BRD7: variants seen among roughly 807,000 people sequenced by gnomAD.
BRD7 encodes bromodomain containing 7.
A neutral mutation model predicts 82.1 loss-of-function variants in BRD7; 15 were observed. That is an observed-to-expected ratio of 0.18 (90% CI 0.12 to 0.28). BRD7 has a LOEUF of 0.28. BRD7 is among the 10% of genes least tolerant of loss of function. BRD7 has a pLI of 1.00. For missense variants in BRD7, 638 were observed against 779.9 expected (o/e 0.82, Z 2.17); for synonymous variants, 232 against 266.9 (o/e 0.87, Z 1.27).
In BRD7 at chr16:50,334,740, G is replaced by A. The variant is rs1051350145; in HGVS notation, c.858C>T (p.Ala286=). The change falls in exon 7 of 17, where the codon GCC becomes GCT. Residue 286 remains alanine (A), a synonymous_variant. Transcript: ENST00000394688. The stretch of plus-strand genomic sequence containing the variant: ...TATTTTCTTTGCTGGGACTCTTGAA[G>A]GCGTGTGCTTCGGCATCTCCAGAGT... ...REDSGDAEAH[A]FKSPSKENKK... is the part of the protein sequence containing the mutation. The A allele has an allele frequency of 8.7e-6, 14 of 1,613,758 alleles. No individual in the cohort carries two copies. In the African/African-American group the frequency reaches 1.2e-4, roughly 14 times the overall value.
chr16:50,319,252 T>A lies in BRD7; in HGVS notation c.1915A>T (p.Lys639Ter). 1 of 1,613,738 alleles carries A rather than the reference T, an allele frequency of 6.2e-7. No individual in the cohort carries two copies. ...CCACACTCAGCAACATCCGTCTTTT[T>A]AGGTTCTTCAGTGTCTGAAAGAAAA... is the stretch of plus-strand genomic sequence containing the variant. ...VDLTEDTEEPKKTDVAECGPG... is the reference protein window; with the variant it reads ...VDLTEDTEEP The change falls in exon 17 of 17, where the codon AAA (lysine) becomes TAA (stop). Residue 639 changes from lysine to a stop codon, truncating the protein, a stop_gained. Coordinates refer to ENST00000394688, the MANE Select transcript of BRD7 (RefSeq NM_013263.5). LOFTEE classifies it high-confidence loss of function.
At chr16:50,365,037 A>G (rs576953282) in intron 2 of BRD7, among the ~76,000 whole-genome samples, 1 of 152,350 alleles carries the variant, frequency 6.6e-6, no homozygotes, top group East Asian at 1.9e-4. Flanking sequence ...TTTGCAGAAC[A>G]GAGAAAGCAA....
chr16:50,323,764 C>G, intron 11 of BRD7, 66 bp from the exon 12 acceptor site: 1 of 1,163,134 alleles, frequency 8.6e-7, no homozygotes, highest in Non-Finnish European at 1.3e-6. Context: ...CCCATCAGAG[C>G]CAACTGTTTC....
chr16:50,347,167 T>C (rs1200014773), intron 5 of BRD7, among the ~76,000 whole-genome samples: 5 of 152,180 alleles, frequency 3.3e-5, no homozygotes, highest in Non-Finnish European at 5.9e-5. Context: ...AACCACATGA[T>C]TATCTCAATA....
At chr16:50,347,455 A>C (rs949278615) in intron 5 of BRD7, among the ~76,000 whole-genome samples, 1 of 152,180 alleles carries the variant, frequency 6.6e-6, no homozygotes, top group Non-Finnish European at 1.5e-5. Context: ...AATTAGGAAA[A>C]GAGGAAGTCA....
At chr16:50,368,563 C>T in intron 1 of BRD7, 163 bp downstream of exon 1, 1 of 779,628 alleles carries the variant, frequency 1.3e-6, no homozygotes, top group South Asian at 2.7e-5. Flanking sequence ...ATGCCGCGGC[C>T]GCACGGGGGG....
At chr16:50,368,570 G>A (rs973923572) in intron 1 of BRD7, 156 bp downstream of exon 1, 1 of 797,712 alleles carries the variant, frequency 1.3e-6, no homozygotes, top group East Asian at 3.5e-5. Context: ...GGCCGCACGG[G>A]GGGCAGCGCG....
Position 50,334,737 on chromosome 16 carries a change from G to A in BRD7, c.861C>T (p.Phe287=). The A allele has an allele frequency of 1.2e-6, 2 of 1,613,726 alleles. No individual in the cohort carries two copies. The highest frequency in any genetic ancestry group is 2.2e-5 in the South Asian group (2 of 91,064). ...EDSGDAEAHA[F]KSPSKENKKK... Reference sequence around the variant, plus strand: ...TTTTATTTTCTTTGCTGGGACTCTTGAAGGCGTGTGCTTCGGCATCTCCAG... The same window carrying A: ...TTTTATTTTCTTTGCTGGGACTCTTAAAGGCGTGTGCTTCGGCATCTCCAG... Residue 287 remains phenylalanine, a synonymous_variant, in exon 7 of 17, where the codon TTC becomes TTT. Coordinates refer to ENST00000394688, the MANE Select transcript of BRD7 (RefSeq NM_013263.5).
In BRD7 at chr16:50,354,860, A is replaced by G; in HGVS notation, c.321T>C (p.Cys107=). The G allele has an allele frequency of 1.2e-6, 2 of 1,613,382 alleles. No individual in the cohort carries two copies. The highest frequency in any genetic ancestry group is 1.7e-6 in the Non-Finnish European group (2 of 1,179,970). Residue 107 remains cysteine, a synonymous_variant, in exon 3 of 17, where the codon TGT becomes TGC. Coordinates refer to ENST00000394688, the MANE Select transcript of BRD7 (RefSeq NM_013263.5). ...GCAAGTCTAATCTCACAGGGGCGTG[A>G]CACTGGAGATCTTTTTCTGCCTCAT... ...VENEAEKDLQ[C]HAPVRLDLPP...
intron 2 of BRD7, 99 bp downstream of exon 2, chr16:50,367,991 A>G: frequency 8.4e-7 from 1 of 1,185,212 alleles, no homozygotes; most frequent in Non-Finnish European, 1.2e-6. Flanking sequence ...CAGATCTTAG[A>G]GGCGTTTGTT....
chr16:50,319,033 C>G lies in BRD7; in HGVS notation c.*178G>C, dbSNP rs138739351. On this transcript the variant is annotated 3_prime_UTR_variant, in exon 17 of 17. Coordinates refer to ENST00000394688, the MANE Select transcript of BRD7 (RefSeq NM_013263.5). ...CAGCCCCAAGCACATTCCTTCCTCACGAGTCCCAGGTCCAGCTTTATTACC... is the reference window on the plus strand; with the variant it reads ...CAGCCCCAAGCACATTCCTTCCTCAGGAGTCCCAGGTCCAGCTTTATTACC... The G allele has an allele frequency of 1.7e-6, 1 of 598,566 alleles. No individual in the cohort carries two copies. The highest frequency in any genetic ancestry group is 2.9e-6 in the Non-Finnish European group (1 of 339,802). The allele number at this position is 598,566 out of a possible 1,614,324, so 37.1% of individuals were successfully genotyped here.
At chr16:50,336,574 C>CA (rs1368373450) in intron 6 of BRD7, among the ~76,000 whole-genome samples, 1 of 151,904 alleles carries the variant, frequency 6.6e-6, no homozygotes, top group African/African-American at 2.4e-5. Flanking sequence ...AAAAACAAAA[C>CA]AAAAAACAAA....
chr16:50,322,107 CTG>C (rs2151133045), intron 12 of BRD7, 69 bp from the exon 13 acceptor site: 1 of 1,282,354 alleles, frequency 7.8e-7, no homozygotes, highest in East Asian at 2.4e-5. Flanking sequence ...AAAGAGAAAA[CTG>C]TCAGGAGTTT....
intron 4 of BRD7, among the ~76,000 whole-genome samples, chr16:50,352,474 TTGGCTACTATGAATA>T (rs1315623323): frequency 1.3e-5 from 2 of 152,362 alleles, no homozygotes; most frequent in African/African-American, 4.8e-5. Context: ...TGATTCCATC[TTGGCTACTATGAATA>T]GCACTGCAAT....
At chr16:50,355,175 T>C (rs1043227543) in intron 2 of BRD7, among the ~76,000 whole-genome samples, 7 of 152,132 alleles carry the variant, frequency 4.6e-5, no homozygotes, top group Non-Finnish European at 1.0e-4. Flanking sequence ...ATAGTGTATA[T>C]AGAAATAAAT....
intron 4 of BRD7, among the ~76,000 whole-genome samples, chr16:50,352,701 G>GTT (rs34714781): frequency 6.1e-4 from 78 of 127,626 alleles, no homozygotes; most frequent in South Asian, 1.5e-3. Flanking sequence ...TGCCAGCTTT[G>GTT]TTTTTTTTTT....
chr16:50,335,017 T>G, intron 6 of BRD7, 122 bp from the exon 7 acceptor site: 1 of 941,940 alleles, frequency 1.1e-6, no homozygotes, highest in South Asian at 1.9e-5. Context: ...AACAATTAAA[T>G]GTAATCATAT....
At chr16:50,349,542 C>CA in intron 5 of BRD7, 2 of 469,272 alleles carry the variant, frequency 4.3e-6, no homozygotes, top group Non-Finnish European at 8.8e-6. Context: ...TGGGTCTCTC[C>CA]AGCCATGTGT....
At chr16:50,336,966 T>C (rs1297140184) in intron 6 of BRD7, among the ~76,000 whole-genome samples, 3 of 152,214 alleles carry the variant, frequency 2.0e-5, no homozygotes. Flanking sequence ...GCTAATAATA[T>C]AGCTAACATT....
Sources: allele counts gnomAD v4.1 joint callset (sites outside exome capture counted in the v4.1 genomes callset), GRCh38; gene constraint gnomAD v4.1.1; transcripts MANE v1.5; gene names NCBI Gene and HGNC (gene_info 2026-07-23, HGNC 2026-07-21).